MTAP: variants seen among roughly 807,000 people sequenced by gnomAD.
The protein encoded by MTAP is S-methyl-5'-thioadenosine phosphorylase.
MTAP carries 33 observed loss-of-function variants against 33.6 expected under a neutral mutation model. The observed-to-expected ratio is 0.98, with a 90% CI of 0.74 to 1.31. MTAP has a LOEUF of 1.31. MTAP is among the 40% of genes most tolerant of loss of function. The pLI, the probability that MTAP is intolerant of heterozygous loss-of-function variation, is 0.00. For missense variants in MTAP, 367 were observed against 360.0 expected, an observed-to-expected ratio of 1.02 and a Z score of -0.16; for synonymous variants, 148 against 125.7, an observed-to-expected ratio of 1.18 and a Z score of -1.19.
chr9:21,825,108 C>T (rs1010527777), intron 4 of MTAP, among the ~76,000 whole-genome samples: 2 of 152,146 alleles, frequency 1.3e-5, no homozygotes, highest in East Asian at 1.9e-4. Context: ...ACCCGCTCTC[C>T]GGCACCCACT....
intron 2 of MTAP, 71 bp from the exon 3 acceptor site, chr9:21,816,643 G>T (rs1824482402): frequency 7.3e-7 from 1 of 1,378,220 alleles, no homozygotes; most frequent in Non-Finnish European, 1.0e-6. Flanking sequence ...TCCTGTTGTG[G>T]TTGAACAATT....
chr9:21,929,627 A>C lies in MTAP; in HGVS notation c.148-1381A>C. On this transcript the variant is annotated intron_variant, in intron 1 of 1. Transcript: ENST00000577563. ...TCCTCTAAAACACCAGGGAGAGCTTATCCAGCCTGTACCAGAGATTGGACA... is the reference window on the plus strand; with the variant it reads ...TCCTCTAAAACACCAGGGAGAGCTTCTCCAGCCTGTACCAGAGATTGGACA... 3 of 314,610 alleles carry C rather than the reference A, an allele frequency of 9.5e-6. 1 individual carries two copies. The South Asian group carries it at 1.1e-4, about 12-fold the overall frequency. 19.5% of individuals were successfully genotyped at this position (314,610 alleles called of 1,614,324 possible).
At chr9:21,844,772 C>T (rs563593501) in intron 5 of MTAP, among the ~76,000 whole-genome samples, 3 of 152,286 alleles carry the variant, frequency 2.0e-5, no homozygotes, top group Non-Finnish European at 4.4e-5. Context: ...CGGTGGCTCA[C>T]ACCTGTAATC....
At chr9:21,877,997 A>G (rs1017457403) in intron 1 of MTAP, among the ~76,000 whole-genome samples, 6 of 151,846 alleles carry the variant, frequency 4.0e-5, no homozygotes, top group African/African-American at 7.3e-5. Flanking sequence ...TGAGCTTTTT[A>G]TGGTTGGAAG....
At chr9:21,844,553 A>G (rs974791700) in intron 5 of MTAP, among the ~76,000 whole-genome samples, 1 of 152,362 alleles carries the variant, frequency 6.6e-6, no homozygotes, top group African/African-American at 2.4e-5. Flanking sequence ...GTTTCATACC[A>G]GTGATGAAGG....
At chr9:21,939,038 G>T (rs1012372409), downstream of MTAP, among the ~76,000 whole-genome samples, 1 of 152,162 alleles carries the variant, frequency 6.6e-6, no homozygotes, top group African/African-American at 2.4e-5. Context: ...CCCAGGGAGA[G>T]GTTATTGAAT....
At chr9:21,815,589 T>TGAAA in intron 2 of MTAP, 70 bp downstream of exon 2, 1 of 647,546 alleles carries the variant, frequency 1.5e-6, no homozygotes. Flanking sequence ...GATTTTTGAA[T>TGAAA]TAAAAAAAAA....
rs79789145 is a variant in MTAP, at chr9:21,828,618, T to G, written c.348-9290T>G. On this transcript the variant is annotated intron_variant, in intron 4 of 7. Transcript: ENST00000644715. ...TGAACCCAGGAGGCAGAGGTTACAG[T>G]GAACCGAGATTGCTCCATTGCACTC... Among the ~76,000 whole-genome samples, 85 of 152,106 alleles carry G rather than the reference T, an allele frequency of 5.6e-4. 1 individual carries two copies. In the East Asian group the frequency reaches 9.3e-3, roughly 17 times the overall value.
chr9:21,880,297 A>G (rs75598933), intron 1 of MTAP, among the ~76,000 whole-genome samples: 2,848 of 152,086 alleles, frequency 0.019, 76 homozygotes, highest in African/African-American at 0.063. Flanking sequence ...CCAGTGCCAT[A>G]CTCTTGGACT....
intron 1 of MTAP, among the ~76,000 whole-genome samples, chr9:21,803,705 A>G (rs1824129322): frequency 7.0e-6 from 1 of 143,324 alleles, no homozygotes; most frequent in South Asian, 2.2e-4. Context: ...TCTTCTAGGC[A>G]GTTTATTACT....
chr9:21,845,550 C>G (rs1349773983), intron 5 of MTAP, among the ~76,000 whole-genome samples: 3 of 152,178 alleles, frequency 2.0e-5, no homozygotes, highest in Non-Finnish European at 2.9e-5. Context: ...ATACCATGCT[C>G]AGGGATGGGC....
At position 21,915,357 on chromosome 9, in the gene MTAP, C is replaced by T. The variant is rs1818671045; in HGVS notation, c.148-15651C>T. 2.0e-5 allele frequency among the ~76,000 whole-genome samples: 3 copies of T among 151,938 alleles called. No homozygotes were observed. The South Asian group carries it at 6.2e-4, about 32-fold the overall frequency. On this transcript the variant is annotated intron_variant, in intron 1 of 1. Transcript: ENST00000577563. The stretch of plus-strand genomic sequence containing the variant: ...CCACCCACCTCGGCCTCCCAAAGTG[C>T]TGGGATTACAGGTGTCAGCCACCCG...
chr9:21,888,227 T>C (rs1403408583), intron 1 of MTAP, among the ~76,000 whole-genome samples: 7 of 152,192 alleles, frequency 4.6e-5, no homozygotes, highest in African/African-American at 1.7e-4. Context: ...TTGAGATTTG[T>C]TTTGGGGTGT....
downstream of MTAP, chr9:21,931,571 C>A: frequency 5.7e-6 from 1 of 175,852 alleles, no homozygotes. Flanking sequence ...CACTAAGAGG[C>A]AAAATCGTGG....
intron 4 of MTAP, among the ~76,000 whole-genome samples, chr9:21,820,503 T>A (rs190601021): frequency 6.6e-6 from 1 of 152,188 alleles, no homozygotes; most frequent in Non-Finnish European, 1.5e-5. Context: ...TTGGTCTATA[T>A]CTGTTTTGGT....
intron 5 of MTAP, 82 bp from the exon 6 acceptor site, chr9:21,854,549 C>T: frequency 6.9e-7 from 1 of 1,450,642 alleles, no homozygotes; most frequent in East Asian, 2.3e-5. Context: ...AAGAAATCAA[C>T]TTGGTAAACA....
intron 1 of MTAP, among the ~76,000 whole-genome samples, chr9:21,884,453 A>G (rs766178517): frequency 3.3e-5 from 5 of 152,340 alleles, no homozygotes; most frequent in Middle Eastern, 3.4e-3. Flanking sequence ...AAAGCAAGAC[A>G]CTGTATAATA....
chr9:21,859,607 G>T (rs1825713298), intron 7 of MTAP, 182 bp downstream of exon 7: 1 of 584,286 alleles, frequency 1.7e-6, no homozygotes, highest in Non-Finnish European at 2.8e-6. Flanking sequence ...TTATTTTCTG[G>T]CTGGTAGTGC....
At position 21,866,267 on chromosome 9, in the gene MTAP, A is replaced by G. The variant is rs989271559; in HGVS notation, c.*4253A>G. ...TATTATTGAATAGTAAGAATTGTTT[A>G]TATATTCTGGATACACTCTTTTTCA... On this transcript the variant is annotated 3_prime_UTR_variant, in exon 8 of 8. Coordinates refer to ENST00000644715, the MANE Select transcript of MTAP (RefSeq NM_002451.4). The G allele has an allele frequency of 6.6e-6, 1 of 152,168 alleles. No individual in the cohort carries two copies. The highest frequency in any genetic ancestry group is 1.5e-5 in the Non-Finnish European group (1 of 68,026). The allele number at this position is 152,168 out of a possible 1,614,324, so 9.4% of individuals were successfully genotyped here.
Sources: allele counts gnomAD v4.1 joint callset (sites outside exome capture counted in the v4.1 genomes callset), GRCh38; gene constraint gnomAD v4.1.1; transcripts MANE v1.5; gene names NCBI Gene and HGNC (gene_info 2026-07-23, HGNC 2026-07-21).